Variants in KIT observed in about 807,000 individuals in gnomAD.
KIT encodes mast/stem cell growth factor receptor Kit.
KIT carries 16 observed loss-of-function variants against 105.7 expected under a neutral mutation model. The observed-to-expected ratio is 0.15, with a 90% CI of 0.10 to 0.23. The LOEUF is 0.23. Ranked by LOEUF, KIT falls within the 10% of genes least tolerant of loss-of-function variation. The pLI is 1.00. For synonymous variants in KIT, 438 were observed against 441.1 expected (o/e 0.99, Z 0.09); for missense variants, 858 against 1,213.8 (o/e 0.71, Z 4.36).
Position 54,657,994 on chromosome 4 carries a change from G to C in KIT, c.-21G>C, listed in dbSNP as rs201778132. The stretch of plus-strand genomic sequence containing the variant: ...GAGCTGGAACGTGGACCAGAGCTCG[G>C]ATCCCATCGCAGCTACCGCGATGAG... On this transcript the variant is annotated 5_prime_UTR_variant, in exon 1 of 21. Coordinates refer to ENST00000288135, the MANE Select transcript of KIT (RefSeq NM_000222.3). The C allele has an allele frequency of 1.5e-5, 24 of 1,611,924 alleles. No individual in the cohort carries two copies. Among genetic ancestry groups the C allele is most frequent in the Non-Finnish European group, 1.6e-5 (19 of 1,178,426 alleles).
chr4:54,660,759 A>C (rs1467176838), intron 1 of KIT, among the ~76,000 whole-genome samples: 1 of 152,166 alleles, frequency 6.6e-6, no homozygotes, highest in African/African-American at 2.4e-5. Context: ...TCAGTGGTGA[A>C]GCCTGATGAG....
chr4:54,726,636 T>G (rs1432079406), intron 9 of KIT, among the ~76,000 whole-genome samples: 1 of 151,950 alleles, frequency 6.6e-6, no homozygotes, highest in Non-Finnish European at 1.5e-5. Flanking sequence ...CTTCTTGGGG[T>G]TTTGTTTGTT....
In KIT at chr4:54,740,708, TAA is replaced by T; in HGVS notation, c.*2153_*2154del. 4.4e-6 allele frequency: 1 copy of T among 229,456 alleles called. No homozygotes were observed. The highest frequency in any genetic ancestry group is 8.7e-6 in the Non-Finnish European group (1 of 115,428). The allele number at this position is 229,456 out of a possible 1,614,324, so 14.2% of individuals were successfully genotyped here. On this transcript the variant is annotated 3_prime_UTR_variant, in exon 21 of 21. Coordinates refer to ENST00000288135, the MANE Select transcript of KIT (RefSeq NM_000222.3). ...AGAATTCTAATAAAATGTACATATA[TAA>T]ATCAAGTGGAGTCATTTGATTGTTG...
intron 1 of KIT, among the ~76,000 whole-genome samples, chr4:54,674,877 G>A (rs1718354317): frequency 6.6e-6 from 1 of 152,142 alleles, no homozygotes; most frequent in Non-Finnish European, 1.5e-5. Context: ...TATTTGTTTG[G>A]TGTGAGATTC....
At chr4:54,681,354 C>T (rs922403051) in intron 1 of KIT, among the ~76,000 whole-genome samples, 6 of 152,124 alleles carry the variant, frequency 3.9e-5, no homozygotes, top group Non-Finnish European at 8.8e-5. Flanking sequence ...AAAGTTCCTC[C>T]TTTCTGCTCA....
chr4:54,711,439 G>A (rs1173166221), intron 7 of KIT, among the ~76,000 whole-genome samples: 1 of 152,170 alleles, frequency 6.6e-6, no homozygotes, highest in African/African-American at 2.4e-5. Context: ...ATATGCTAAT[G>A]TGACTTTGCC....
At chr4:54,726,418 AATGAATT>A (rs1722217902) in intron 9 of KIT, among the ~76,000 whole-genome samples, 1 of 152,194 alleles carries the variant, frequency 6.6e-6, no homozygotes, top group Admixed American at 6.5e-5. Context: ...AGTTATTTAA[AATGAATT>A]ATTTTAACAC....
At chr4:54,664,915 A>T (rs566475339) in intron 1 of KIT, among the ~76,000 whole-genome samples, 1 of 151,462 alleles carries the variant, frequency 6.6e-6, no homozygotes, top group South Asian at 2.1e-4. Flanking sequence ...ATAGTAAAAC[A>T]TACATAAAAT....
At chr4:54,662,639 C>T (rs1317189799) in intron 1 of KIT, among the ~76,000 whole-genome samples, 1 of 152,146 alleles carries the variant, frequency 6.6e-6, no homozygotes, top group African/African-American at 2.4e-5. Context: ...ATGGCGCAAT[C>T]TCGTCTCACT....
intron 20 of KIT, 79 bp from the exon 21 acceptor site, chr4:54,738,350 C>G (rs2109817155): frequency 6.5e-7 from 1 of 1,539,942 alleles, no homozygotes; most frequent in South Asian, 1.1e-5. Flanking sequence ...TAGTTGTGAT[C>G]TTGACACTGT....
At chr4:54,666,067 T>C (rs1300039964) in intron 1 of KIT, among the ~76,000 whole-genome samples, 1 of 152,154 alleles carries the variant, frequency 6.6e-6, no homozygotes, top group Non-Finnish European at 1.5e-5. Flanking sequence ...GAGGAGGACA[T>C]AGAATTGACG....
At chr4:54,695,466 C>A (rs1206572867) in intron 1 of KIT, 46 bp from the exon 2 acceptor site, 2 of 1,609,652 alleles carry the variant, frequency 1.2e-6, no homozygotes, top group Non-Finnish European at 1.7e-6. Flanking sequence ...CTTTATTTCG[C>A]CAAGGAAGAA....
At chr4:54,696,003 T>G (rs1720040393) in intron 2 of KIT, 7 of 593,486 alleles carry the variant, frequency 1.2e-5, no homozygotes. Flanking sequence ...TGTGATACTC[T>G]TCCTAATGAG....
chr4:54,684,191 T>TGGGGTGGTGC (rs1719148056), intron 1 of KIT, among the ~76,000 whole-genome samples: 2 of 144,942 alleles, frequency 1.4e-5, no homozygotes, highest in Middle Eastern at 3.5e-3. Flanking sequence ...TGGGGTGGGG[T>TGGGGTGGTGC]GGGGTGGTGC....
chr4:54,663,542 A>T (rs1434006778), intron 1 of KIT, among the ~76,000 whole-genome samples: 1 of 150,702 alleles, frequency 6.6e-6, no homozygotes, highest in African/African-American at 2.4e-5. Context: ...TCGTATTAAG[A>T]TGAAGTTGTT....
intron 1 of KIT, among the ~76,000 whole-genome samples, chr4:54,659,014 C>T (rs1035530907): frequency 1.3e-5 from 2 of 152,134 alleles, no homozygotes; most frequent in East Asian, 1.9e-4. Flanking sequence ...CCAGAGTGCC[C>T]GGCCTGCCTG....
In KIT at chr4:54,739,627, G is replaced by A. The variant is rs1400737533; in HGVS notation, c.*1070G>A. On this transcript the variant is annotated 3_prime_UTR_variant, in exon 21 of 21. Coordinates refer to ENST00000288135, the MANE Select transcript of KIT (RefSeq NM_000222.3). The stretch of plus-strand genomic sequence containing the variant: ...AAGTATAGGTTTAGCCTCCTTCGCA[G>A]GCATGTCCTGGACACCGGGCCAGTA... 1 of 233,620 alleles carries A rather than the reference G, an allele frequency of 4.3e-6. No homozygotes were observed. Among genetic ancestry groups the A allele is most frequent in the East Asian group, 6.0e-5 (1 of 16,580 alleles). 14.5% of individuals were successfully genotyped at this position (233,620 alleles called of 1,614,324 possible). A position where few individuals can be genotyped will look rare whatever the true frequency, so the allele number is the denominator to read the frequency against.
chr4:54,669,244 C>T lies in KIT; in HGVS notation c.67+11163C>T, dbSNP rs537637987. Reference sequence around the variant, plus strand: ...CCCTTGCTTTTTTAAAATAAACCAGCATATGTAGAAGGGTTTGTGAGTTTT... The same window carrying T: ...CCCTTGCTTTTTTAAAATAAACCAGTATATGTAGAAGGGTTTGTGAGTTTT... On this transcript the variant is annotated intron_variant, in intron 1 of 20. Transcript: ENST00000288135. Among the ~76,000 whole-genome samples, 231 of 148,240 alleles carry T rather than the reference C, an allele frequency of 1.6e-3. 1 individual carries two copies. The highest frequency in any genetic ancestry group is 2.8e-3 in the Non-Finnish European group (185 of 67,094).
At chr4:54,680,953 T>A (rs1577931992) in intron 1 of KIT, among the ~76,000 whole-genome samples, 1 of 152,264 alleles carries the variant, frequency 6.6e-6, no homozygotes, top group African/African-American at 2.4e-5. Flanking sequence ...CAGGAGGATC[T>A]GCTCGGAGGT....
Sources: gnomAD v4.1 joint callset for allele counts (sites outside exome capture counted in the v4.1 genomes callset) on GRCh38, gnomAD v4.1.1 for gene constraint, MANE v1.5 for transcripts, NCBI Gene and HGNC (gene_info 2026-07-23, HGNC 2026-07-21) for gene names.